LIPH: variants seen among roughly 807,000 people sequenced by gnomAD.
LIPH encodes lipase H.
LIPH carries 32 observed loss-of-function variants against 47.6 expected under a neutral mutation model. That is an observed-to-expected ratio of 0.67 (90% CI 0.51 to 0.90). The LOEUF is 0.90. Ranked by LOEUF, LIPH falls within the 40% of genes least tolerant of loss-of-function variation. The probability of loss-of-function intolerance (pLI) is 0.00; values close to 1 mark genes in which losing one functional copy is unlikely to be tolerated. For missense variants in LIPH, 497 were observed against 541.4 expected (o/e 0.92, Z 0.81); for synonymous variants, 190 against 195.6 (o/e 0.97, Z 0.24).
chr3:185,549,462 A>T (rs1345319408), intron 1 of LIPH, among the ~76,000 whole-genome samples: 1 of 152,160 alleles, frequency 6.6e-6, no homozygotes, highest in East Asian at 1.9e-4. Flanking sequence ...GCATTAAACA[A>T]TTTTTTCTGG....
Position 185,519,292 on chromosome 3 carries a change from A to G in LIPH, c.736T>C (p.Cys246Arg). 6.2e-7 allele frequency: 1 copy of G among 1,613,098 alleles called. No homozygotes were observed. The highest frequency in any genetic ancestry group is 8.5e-7 in the Non-Finnish European group (1 of 1,179,126). Residue 246 changes from cysteine to arginine, a missense_variant, in exon 6 of 10, where the codon TGT becomes CGT. Coordinates refer to ENST00000296252, the MANE Select transcript of LIPH (RefSeq NM_139248.3). ...TILGGFQYFK[C>R]DHQRSVYLYL... is the part of the protein sequence containing the mutation. ...AGGTATACAGACCTCTGGTGGTCAC[A>G]TTTAAAATACTGAAATCCTTGGTTG...
At chr3:185,546,997 T>G (rs138999190) in intron 1 of LIPH, 24 of 421,148 alleles carry the variant, frequency 5.7e-5, no homozygotes, top group Non-Finnish European at 1.1e-4. Flanking sequence ...GACAGAATTA[T>G]GGACAGAGGC....
At chr3:185,542,882 C>A (rs1422865538) in intron 1 of LIPH, among the ~76,000 whole-genome samples, 1 of 152,110 alleles carries the variant, frequency 6.6e-6, no homozygotes, top group Non-Finnish European at 1.5e-5. Context: ...AACACAAATA[C>A]TGCATGTTCT....
chr3:185,544,157 C>T (rs891921084), intron 1 of LIPH, among the ~76,000 whole-genome samples: 1 of 151,866 alleles, frequency 6.6e-6, no homozygotes, highest in African/African-American at 2.4e-5. Context: ...GGCGCTCTTG[C>T]TGTCTTTCAA....
chr3:185,535,770 T>G (rs769568823), intron 1 of LIPH, among the ~76,000 whole-genome samples: 11 of 151,832 alleles, frequency 7.2e-5, no homozygotes, highest in Non-Finnish European at 1.6e-4. Flanking sequence ...ACCGGGCTAA[T>G]TTTTGTATTT....
At chr3:185,514,600 A>G in intron 7 of LIPH, 79 bp from the exon 8 acceptor site, 1 of 764,674 alleles carries the variant, frequency 1.3e-6, no homozygotes, top group Admixed American at 1.8e-5. Flanking sequence ...TAAAAACTGA[A>G]CCTCCCTAAT....
chr3:185,544,674 T>C (rs978074712), intron 1 of LIPH, among the ~76,000 whole-genome samples: 3 of 152,180 alleles, frequency 2.0e-5, no homozygotes, highest in East Asian at 1.9e-4. Flanking sequence ...CTCCTTTTTA[T>C]GTCACTTGCA....
rs902238871 is a variant in LIPH, at chr3:185,518,062, C to T, written c.887-900G>A. Among the ~76,000 whole-genome samples the T allele has an allele frequency of 3.3e-5, 5 of 152,134 alleles. No homozygotes were observed. In the East Asian group the frequency reaches 9.6e-4, roughly 29 times the overall value. ...CACTTGTCAGGAGAGTCTCTGGGCT[C>T]ATTGTGGACCCTCTCCCAGCAGAGA... On this transcript the variant is annotated intron_variant, in intron 6 of 9. Coordinates refer to ENST00000296252, the MANE Select transcript of LIPH (RefSeq NM_139248.3).
At chr3:185,546,162 T>C (rs1008844888) in intron 1 of LIPH, among the ~76,000 whole-genome samples, 2 of 150,210 alleles carry the variant, frequency 1.3e-5, no homozygotes, top group African/African-American at 4.9e-5. Context: ...TGAGACTCTG[T>C]CTCAAAAATA....
chr3:185,534,678 C>G, intron 2 of LIPH, 87 bp downstream of exon 2: 1 of 1,391,716 alleles, frequency 7.2e-7, no homozygotes. Context: ...AGGCCTCCTG[C>G]TCACTGTAGC....
At chr3:185,550,747 T>C (rs1721024485) in intron 1 of LIPH, among the ~76,000 whole-genome samples, 1 of 152,036 alleles carries the variant, frequency 6.6e-6, no homozygotes, top group African/African-American at 2.4e-5. Flanking sequence ...TTTTGTATTT[T>C]CAGTAGAGAT....
chr3:185,529,415 T>G (rs553122046), intron 3 of LIPH, among the ~76,000 whole-genome samples: 321 of 127,582 alleles, frequency 2.5e-3, no homozygotes, highest in African/African-American at 7.2e-3. Context: ...CCTTTTTCTT[T>G]TTCTTTTTTT....
intron 3 of LIPH, among the ~76,000 whole-genome samples, chr3:185,529,715 C>T (rs937994371): frequency 6.6e-6 from 1 of 150,874 alleles, no homozygotes; most frequent in Non-Finnish European, 1.5e-5. Context: ...CATACGGAGA[C>T]CCTGTCTCTA....
At chr3:185,529,176 C>CAAAAAAA (rs1173804674) in intron 3 of LIPH, among the ~76,000 whole-genome samples, 10 of 54,352 alleles carry the variant, frequency 1.8e-4, no homozygotes, top group Admixed American at 2.7e-4. Context: ...GACTCCGTCT[C>CAAAAAAA]AAAAAAAAAA....
intron 1 of LIPH, among the ~76,000 whole-genome samples, chr3:185,540,741 A>G (rs1048786876): frequency 6.6e-6 from 1 of 151,826 alleles, no homozygotes; most frequent in Non-Finnish European, 1.5e-5. Flanking sequence ...AAAAAAAAAA[A>G]GAAATATTTA....
intron 3 of LIPH, among the ~76,000 whole-genome samples, chr3:185,529,976 A>AAGAGAG (rs762824845): frequency 1.5e-4 from 16 of 104,982 alleles, no homozygotes; most frequent in South Asian, 2.9e-4. Context: ...GAAAGAAAGA[A>AAGAGAG]AGAGAGAGAG....
Position 185,519,142 on chromosome 3 carries a change from C to A in LIPH, c.886G>T (p.Gly296Cys). The change falls in exon 6 of 10, where the codon GGC (glycine) becomes TGC (cysteine). Residue 296 changes from glycine to cysteine, a missense_variant and splice_region_variant. Transcript: ENST00000296252. ...AGAGGAAACTGCTGGTTAGACTTAC[C>A]CAGAAGGGGACAGGACTCTTTTTGT... ...TSQKESCPLLGYYADNWKDHL... is the reference protein window; with the variant it reads ...TSQKESCPLLCYYADNWKDHL... 1 of 1,613,720 alleles carries A rather than the reference C, an allele frequency of 6.2e-7. No homozygotes were observed. Among genetic ancestry groups the A allele is most frequent in the Middle Eastern group, 1.6e-4 (1 of 6,062 alleles).
chr3:185,547,066 G>A (rs906550221), intron 1 of LIPH: 39 of 329,030 alleles, frequency 1.2e-4, no homozygotes, highest in Admixed American at 3.5e-4. Flanking sequence ...GTTTGAACCC[G>A]GGAGGCGGAG....
At chr3:185,529,661 G>A (rs962435428) in intron 3 of LIPH, among the ~76,000 whole-genome samples, 5 of 151,294 alleles carry the variant, frequency 3.3e-5, no homozygotes, top group Admixed American at 1.3e-4. Flanking sequence ...AGGCCAGGGC[G>A]GGAGGATTGC....
Sources: allele counts gnomAD v4.1 joint callset (sites outside exome capture counted in the v4.1 genomes callset), GRCh38; gene constraint gnomAD v4.1.1; transcripts MANE v1.5; gene names NCBI Gene and HGNC (gene_info 2026-07-23, HGNC 2026-07-21).